Variants in PCDH9 observed in about 807,000 individuals in gnomAD.
PCDH9 encodes the protein protocadherin-9.
In PCDH9, 24 loss-of-function variants were observed where a neutral mutation model predicts 70.6. That is an observed-to-expected ratio of 0.34 (90% CI 0.25 to 0.48). The LOEUF is 0.48. Ranked by LOEUF, PCDH9 falls within the 20% of genes least tolerant of loss-of-function variation. PCDH9 has a pLI of 0.99. For missense variants in PCDH9, 1,281 were observed against 1,503.6 expected (o/e 0.85, Z 2.45); for synonymous variants, 562 against 558.5 (o/e 1.01, Z -0.09).
intron 2 of PCDH9, among the ~76,000 whole-genome samples, chr13:66,943,263 A>G (rs1230273475): frequency 6.6e-6 from 1 of 152,044 alleles, no homozygotes; most frequent in Non-Finnish European, 1.5e-5. Flanking sequence ...AATTCACTCT[A>G]TCATTTTTCT....
intron 3 of PCDH9, among the ~76,000 whole-genome samples, chr13:66,678,936 C>T (rs529467191): frequency 3.3e-5 from 5 of 150,728 alleles, no homozygotes; most frequent in South Asian, 4.2e-4. Flanking sequence ...TCAAGTTAGG[C>T]GACTGGATGT....
At chr13:66,719,905 T>C (rs2078919149) in intron 3 of PCDH9, among the ~76,000 whole-genome samples, 1 of 152,152 alleles carries the variant, frequency 6.6e-6, no homozygotes, top group Admixed American at 6.6e-5. Context: ...GGAAAAAGAT[T>C]GATGAAAATA....
intron 1 of PCDH9, among the ~76,000 whole-genome samples, chr13:67,228,962 C>A (rs535145543): frequency 1.3e-5 from 2 of 152,214 alleles, no homozygotes; most frequent in Admixed American, 6.5e-5. Context: ...TATTTAGCTA[C>A]GGTTCCTGCT....
intron 4 of PCDH9, among the ~76,000 whole-genome samples, chr13:66,367,291 C>A (rs1386340197): frequency 1.3e-5 from 2 of 152,024 alleles, no homozygotes; most frequent in Non-Finnish European, 2.9e-5. Context: ...TTAAAAATTA[C>A]AAGCAAATAA....
intron 4 of PCDH9, among the ~76,000 whole-genome samples, chr13:66,416,381 G>T (rs1957460964): frequency 6.6e-6 from 1 of 151,614 alleles, no homozygotes; most frequent in African/African-American, 2.4e-5. Flanking sequence ...TACATAATCT[G>T]CTTCAGATCA....
At chr13:66,353,446 G>T (rs866231398) in intron 4 of PCDH9, among the ~76,000 whole-genome samples, 2 of 152,068 alleles carry the variant, frequency 1.3e-5, no homozygotes, top group Non-Finnish European at 2.9e-5. Flanking sequence ...AAATAAAACA[G>T]GATAAGGTTA....
At chr13:66,483,479 A>G (rs1355242982) in intron 4 of PCDH9, among the ~76,000 whole-genome samples, 2 of 152,226 alleles carry the variant, frequency 1.3e-5, no homozygotes, top group Non-Finnish European at 2.9e-5. Context: ...CAACTTGGAG[A>G]CATGAAGTGA....
intron 4 of PCDH9, among the ~76,000 whole-genome samples, chr13:66,433,089 G>A (rs1293488656): frequency 6.6e-6 from 1 of 151,824 alleles, no homozygotes; most frequent in Non-Finnish European, 1.5e-5. Flanking sequence ...GAAATGAAAG[G>A]GATGCTTAAG....
intron 4 of PCDH9, among the ~76,000 whole-genome samples, chr13:66,399,143 G>A (rs530019957): frequency 6.6e-6 from 1 of 152,126 alleles, no homozygotes; most frequent in African/African-American, 2.4e-5. Context: ...ATGCACAGTG[G>A]AGTATCAATG....
chr13:67,024,879 A>G (rs1242183848), intron 2 of PCDH9, among the ~76,000 whole-genome samples: 1 of 152,192 alleles, frequency 6.6e-6, no homozygotes, highest in Non-Finnish European at 1.5e-5. Flanking sequence ...AGGAGTACTC[A>G]CATAATTGAT....
intron 4 of PCDH9, among the ~76,000 whole-genome samples, chr13:66,362,268 T>A (rs1956483640): frequency 6.6e-6 from 1 of 152,214 alleles, no homozygotes; most frequent in Admixed American, 6.5e-5. Context: ...AGCAACTTAT[T>A]CTCCAGTGAG....
At chr13:66,363,525 AG>A (rs1277369652) in intron 4 of PCDH9, among the ~76,000 whole-genome samples, 1 of 152,154 alleles carries the variant, frequency 6.6e-6, no homozygotes, top group African/African-American at 2.4e-5. Flanking sequence ...ATAACACTGC[AG>A]GGGGTGTTTC....
chr13:67,128,758 TAGA>T (rs1399410305), intron 2 of PCDH9, among the ~76,000 whole-genome samples: 1 of 152,190 alleles, frequency 6.6e-6, no homozygotes, highest in East Asian at 1.9e-4. Flanking sequence ...TGAATTCCTC[TAGA>T]AGATGTTGAG....
intron 2 of PCDH9, chr13:67,203,242 A>G (rs1384076043): frequency 2.6e-5 from 4 of 152,186 alleles, no homozygotes; most frequent in African/African-American, 9.6e-5. Context: ...TAAATTGGCT[A>G]ACAAATTTAT....
intron 3 of PCDH9, among the ~76,000 whole-genome samples, chr13:66,655,911 G>A (rs375899782): frequency 8.6e-4 from 131 of 152,172 alleles, no homozygotes; most frequent in Middle Eastern, 6.8e-3. Flanking sequence ...TATAAGGATC[G>A]TTATAAAAAT....
chr13:66,431,033 G>A (rs189979737), intron 4 of PCDH9, among the ~76,000 whole-genome samples: 38 of 152,112 alleles, frequency 2.5e-4, no homozygotes, highest in African/African-American at 8.9e-4. Context: ...CAGTAAAACT[G>A]GGATATCTAT....
chr13:66,355,906 C>T (rs1231423374), intron 4 of PCDH9, among the ~76,000 whole-genome samples: 10 of 152,084 alleles, frequency 6.6e-5, no homozygotes, highest in African/African-American at 2.2e-4. Flanking sequence ...AGTGGAAACA[C>T]AGACTTCACA....
chr13:66,325,571 G>C (rs1488237199), intron 4 of PCDH9, among the ~76,000 whole-genome samples: 1 of 152,078 alleles, frequency 6.6e-6, no homozygotes, highest in Non-Finnish European at 1.5e-5. Flanking sequence ...CCTTCAGAGA[G>C]ATAAAGGATG....
At chr13:66,597,706 C>T (rs1213915741) in intron 4 of PCDH9, among the ~76,000 whole-genome samples, 1 of 151,506 alleles carries the variant, frequency 6.6e-6, no homozygotes, top group Non-Finnish European at 1.5e-5. Flanking sequence ...AAAGCATAGG[C>T]AACAAAACAA....
Sources: gnomAD v4.1 joint callset for allele counts (sites outside exome capture counted in the v4.1 genomes callset) on GRCh38, gnomAD v4.1.1 for gene constraint, MANE v1.5 for transcripts, NCBI Gene and HGNC (gene_info 2026-07-23, HGNC 2026-07-21) for gene names.